SEC63: variants seen among roughly 807,000 people sequenced by gnomAD.
The protein encoded by SEC63 is translocation protein SEC63 homolog.
A neutral mutation model predicts 116.2 loss-of-function variants in SEC63; 56 were observed. The ratio of observed to expected loss-of-function variants is 0.48; its 90% confidence interval spans 0.39 to 0.60. The LOEUF (loss-of-function observed/expected upper bound fraction) is 0.60, where lower values mean the gene tolerates loss of function less well. Ranked by LOEUF, SEC63 falls within the 20% of genes least tolerant of loss-of-function variation. The pLI is 0.00. For synonymous variants in SEC63, 273 were observed against 294.6 expected (o/e 0.93, Z 0.75); for missense variants, 668 against 900.0 (o/e 0.74, Z 3.30).
chr6:107,918,027 T>A (rs1434553556), intron 4 of SEC63, among the ~76,000 whole-genome samples: 2 of 152,218 alleles, frequency 1.3e-5, no homozygotes, highest in African/African-American at 2.4e-5. Context: ...ACTTCAAAGC[T>A]TCAAAAGACA....
intron 1 of SEC63, among the ~76,000 whole-genome samples, chr6:107,941,159 A>G (rs2143019): frequency 0.11 from 16,810 of 152,194 alleles, 1,022 homozygotes; most frequent in East Asian, 0.21. Flanking sequence ...GCCTCTGGAG[A>G]TAAGTGCAGA....
At chr6:107,950,537 T>G (rs1019123702) in intron 1 of SEC63, among the ~76,000 whole-genome samples, 2 of 152,198 alleles carry the variant, frequency 1.3e-5, no homozygotes, top group Admixed American at 1.3e-4. Flanking sequence ...ATATTTTATT[T>G]TGAAAGACAG....
chr6:107,908,837 T>G lies in SEC63; in HGVS notation c.733+90A>C, dbSNP rs1043300750. 23 of 728,364 alleles carry G rather than the reference T, an allele frequency of 3.2e-5. No homozygotes were observed. The Admixed American group carries it at 5.1e-4, about 16-fold the overall frequency. 45.1% of individuals were successfully genotyped at this position (728,364 alleles called of 1,614,324 possible). A position where few individuals can be genotyped will look rare whatever the true frequency, so the allele number is the denominator to read the frequency against. The stretch of plus-strand genomic sequence containing the variant: ...ATTTATAAAACTGTACAATAGAATC[T>G]CAACAGTATAGAGTTAAGGAATATA... On this transcript the variant is annotated intron_variant, in intron 8 of 20. Coordinates refer to ENST00000369002, the MANE Select transcript of SEC63 (RefSeq NM_007214.5).
At chr6:107,940,410 C>G (rs1770351147) in intron 1 of SEC63, among the ~76,000 whole-genome samples, 1 of 152,074 alleles carries the variant, frequency 6.6e-6, no homozygotes, top group Non-Finnish European at 1.5e-5. Flanking sequence ...TACTACAGAG[C>G]AGGGCTTTTC....
chr6:107,928,146 C>T (rs963746024), intron 2 of SEC63, among the ~76,000 whole-genome samples: 2 of 152,096 alleles, frequency 1.3e-5, no homozygotes, highest in African/African-American at 4.8e-5. Context: ...CATTAAAGAA[C>T]TCTTAACACC....
In SEC63 at chr6:107,929,420, T is replaced by A. The variant is rs555340568; in HGVS notation, c.219A>T (p.Thr73=). 2.6e-6 allele frequency: 4 copies of A among 1,532,128 alleles called. No homozygotes were observed. The South Asian group carries it at 4.5e-5, about 17-fold the overall frequency. The allele number at this position is 1,532,128 out of a possible 1,614,324, so 94.9% of individuals were successfully genotyped here. A position where few individuals can be genotyped will look rare whatever the true frequency, so the allele number is the denominator to read the frequency against. The change falls in exon 2 of 21, where the codon ACA becomes ACT. Residue 73 remains threonine, a synonymous_variant. Coordinates refer to ENST00000369002, the MANE Select transcript of SEC63 (RefSeq NM_007214.5). ...LLKPQPNIIP[T]VKKIVLLAGW... Reference sequence around the variant, plus strand: ...TCTTGAAATCCATTACTTACTTTACTGTAGGAATAATATTTGGCTGGGGTT... The same window carrying A: ...TCTTGAAATCCATTACTTACTTTACAGTAGGAATAATATTTGGCTGGGGTT...
chr6:107,910,366 C>T (rs1787247769), intron 7 of SEC63, among the ~76,000 whole-genome samples: 1 of 152,034 alleles, frequency 6.6e-6, no homozygotes, highest in South Asian at 2.1e-4. Flanking sequence ...ACTTGGGAGG[C>T]TGAGGTGGGA....
rs34728125 is a variant in SEC63 at position 107,904,118 on chromosome 6, C to CA, written c.1054+510dup. On this transcript the variant is annotated intron_variant, in intron 11 of 20. Transcript: ENST00000369002. Reference sequence around the variant, plus strand: ...AGGCGACAGAGTGAGACTCTGTCTCCAAAAAAAAAAAAAACAAGAATTAAA... The same window carrying CA: ...AGGCGACAGAGTGAGACTCTGTCTCCAAAAAAAAAAAAAAACAAGAATTAAA... 3.0e-4 allele frequency among the ~76,000 whole-genome samples: 36 copies of CA among 121,402 alleles called. 1 individual carries two copies. The highest frequency in any genetic ancestry group is 1.7e-3 in the East Asian group (7 of 4,046). The allele number at this position is 121,402 out of a possible 152,430, so 79.6% of individuals were successfully genotyped here.
chr6:107,920,805 C>T (rs2064203), intron 4 of SEC63, among the ~76,000 whole-genome samples: 148,801 of 152,328 alleles, frequency 0.98, 72,718 homozygotes, highest in African/African-American at 0.99. Context: ...TAATGTTACA[C>T]ACTCTATTCT....
Position 107,872,776 on chromosome 6 carries a change from ACT to A in SEC63, c.2139+30_2139+31del, listed in dbSNP as rs368981578. 345 of 1,211,508 alleles carry A rather than the reference ACT, an allele frequency of 2.8e-4. 3 individuals carry two copies. In the East Asian group the frequency reaches 5.4e-3, roughly 19 times the overall value. 75.0% of individuals were successfully genotyped at this position (1,211,508 alleles called of 1,614,324 possible). A position where few individuals can be genotyped will look rare whatever the true frequency, so the allele number is the denominator to read the frequency against. ...AGTATATTAAACATTTATACAGAAAACTCTTATTTATTGAAGAGTCACTATTC... is the reference window on the plus strand; with the variant it reads ...AGTATATTAAACATTTATACAGAAAACTTATTTATTGAAGAGTCACTATTC... On this transcript the variant is annotated intron_variant, in intron 20 of 20. Coordinates refer to ENST00000369002, the MANE Select transcript of SEC63 (RefSeq NM_007214.5).
rs1482436021 is a variant in SEC63 at position 107,937,450 on chromosome 6, C to CTTATT, written c.125-7937_125-7936insAATAA. On this transcript the variant is annotated intron_variant, in intron 1 of 20. Transcript: ENST00000369002. ...CACTACATTTTCTTTATCCAGTCCG[C>CTTATT]TATTGATAGACACCTGGGTTGGTAC... Among the ~76,000 whole-genome samples, 267 of 152,270 alleles carry CTTATT rather than the reference C, an allele frequency of 1.8e-3. 1 individual carries two copies. The highest frequency in any genetic ancestry group is 6.2e-3 in the African/African-American group (259 of 41,548).
intron 7 of SEC63, among the ~76,000 whole-genome samples, chr6:107,909,670 T>A (rs967888798): frequency 3.3e-5 from 5 of 152,212 alleles, no homozygotes; most frequent in African/African-American, 1.2e-4. Flanking sequence ...AGCACCAAGC[T>A]GGTTCTTGAC....
At chr6:107,938,247 ATTTT>A (rs4028676) in intron 1 of SEC63, among the ~76,000 whole-genome samples, 1 of 133,982 alleles carries the variant, frequency 7.5e-6, no homozygotes. Flanking sequence ...TGGTGAGTTA[ATTTT>A]TTTTTTTTTT....
At chr6:107,909,105 T>A in intron 7 of SEC63, 70 bp from the exon 8 acceptor site, 1 of 1,069,892 alleles carries the variant, frequency 9.3e-7, no homozygotes. Flanking sequence ...AGATGGCTCA[T>A]TCCTGTAATC....
chr6:107,946,500 C>T (rs1265184651), intron 1 of SEC63, among the ~76,000 whole-genome samples: 6 of 152,236 alleles, frequency 3.9e-5, no homozygotes, highest in Admixed American at 6.5e-5. Flanking sequence ...CCACCACACC[C>T]GGCCAACATA....
intron 19 of SEC63, among the ~76,000 whole-genome samples, 166 bp from the exon 20 acceptor site, chr6:107,873,078 C>T (rs574527141): frequency 6.6e-5 from 10 of 152,044 alleles, no homozygotes; most frequent in South Asian, 4.1e-4. Flanking sequence ...TAAAAAAAAG[C>T]GAAATGTATG....
chr6:107,930,173 C>CTTTTTTTTTTTT (rs1206634310), intron 1 of SEC63: 5 of 89,292 alleles, frequency 5.6e-5, no homozygotes, highest in Non-Finnish European at 8.0e-5. Flanking sequence ...GCAAAGTATT[C>CTTTTTTTTTTTT]TTTTTTTTTT....
At chr6:107,947,499 G>C (rs987647346) in intron 1 of SEC63, among the ~76,000 whole-genome samples, 2 of 152,022 alleles carry the variant, frequency 1.3e-5, no homozygotes, top group African/African-American at 4.8e-5. Flanking sequence ...CTCAGCCCAG[G>C]AGATTGAGGT....
chr6:107,957,856 G>C (rs933751605), intron 1 of SEC63, 30 bp downstream of exon 1: 2 of 1,597,788 alleles, frequency 1.3e-6, no homozygotes, highest in African/African-American at 2.7e-5. Flanking sequence ...GGCCTGCGCG[G>C]GTTCGCGGGC....
Sources: gnomAD v4.1 joint callset for allele counts (sites outside exome capture counted in the v4.1 genomes callset) on GRCh38, gnomAD v4.1.1 for gene constraint, MANE v1.5 for transcripts, NCBI Gene and HGNC (gene_info 2026-07-23, HGNC 2026-07-21) for gene names.